The following PPP1R15A variants were observed in gnomAD, a reference collection of about 807,000 sequenced individuals.
The protein encoded by PPP1R15A is protein phosphatase 1 regulatory subunit 15A.
A neutral mutation model predicts 48.5 loss-of-function variants in PPP1R15A; 43 were observed. The observed-to-expected ratio is 0.89, with a 90% CI of 0.69 to 1.14. PPP1R15A has a LOEUF of 1.14. PPP1R15A is among the 50% of genes most tolerant of loss of function. PPP1R15A has a pLI of 0.00. For missense variants in PPP1R15A, 868 were observed against 847.2 expected (o/e 1.02, Z -0.30); for synonymous variants, 327 against 327.4 (o/e 1.00, Z 0.01).
chr19:48,876,009 AT>A lies in PPP1R15A; in HGVS notation c.*42del, dbSNP rs1555786772. 6.6e-7 allele frequency: 1 copy of A among 1,506,982 alleles called. No homozygotes were observed. The highest frequency in any genetic ancestry group is 1.4e-5 in the African/African-American group (1 of 71,466). The allele number at this position is 1,506,982 out of a possible 1,614,324, so 93.4% of individuals were successfully genotyped here. ...TTTGCCTATAATTTATTAACTATTT[AT>A]TTTTTCTAAGTGTGGGTTTATATAA... On this transcript the variant is annotated 3_prime_UTR_variant, in exon 3 of 3. Coordinates refer to ENST00000200453, the MANE Select transcript of PPP1R15A (RefSeq NM_014330.5).
rs189157748 is a variant in PPP1R15A at position 48,875,211 on chromosome 19, G to T, written c.1665+313G>T. The T allele has an allele frequency of 3.2e-3, 1,070 of 333,418 alleles. 14 individuals are homozygous for T. The highest frequency in any genetic ancestry group is 0.02 in the African/African-American group (968 of 47,258). 20.7% of individuals were successfully genotyped at this position (333,418 alleles called of 1,614,324 possible). The stretch of plus-strand genomic sequence containing the variant: ...CTCCCAAAGTGCTGGGATTACAGGC[G>T]TGAGCTACCACATCTGGCTGAGAGC... On this transcript the variant is annotated intron_variant, in intron 2 of 2. Coordinates refer to ENST00000200453, the MANE Select transcript of PPP1R15A (RefSeq NM_014330.5).
chr19:48,874,777 G>A lies in PPP1R15A; in HGVS notation c.1544G>A (p.Gly515Glu), dbSNP rs2037059372. ...CPFRVAIYVP[G>E]EKPPPPWAPP... The stretch of plus-strand genomic sequence containing the variant: ...TTCCGAGTGGCCATCTATGTACCTG[G>A]AGAGAAGCCACCGCCTCCCTGGGCT... Residue 515 changes from glycine to glutamate, a missense_variant, in exon 2 of 3, where the codon GGA becomes GAA. By Grantham distance (98) the Gly-to-Glu change is moderately conservative. Transcript: ENST00000200453. The A allele has an allele frequency of 6.2e-7, 1 of 1,613,922 alleles. No individual in the cohort carries two copies. Among genetic ancestry groups the A allele is most frequent in the Non-Finnish European group, 8.5e-7 (1 of 1,180,000 alleles).
Position 48,873,336 on chromosome 19 carries a change from CG to C in PPP1R15A, c.104del (p.Arg35ProfsTer2). 2 of 1,612,436 alleles carry C rather than the reference CG, an allele frequency of 1.2e-6. No individual in the cohort carries two copies. The highest frequency in any genetic ancestry group is 1.7e-6 in the Non-Finnish European group (2 of 1,179,480). ...GGGCCTCCTCAGCCGCGCCTGGAGC[CG>C]CCTGAGGGGCCTGGGACCTCTAGAG... ...VMGLLSRAWS[R>X]LRGLGPLEPW... On this transcript the variant is annotated frameshift_variant, in exon 2 of 3. Transcript: ENST00000200453. LOFTEE classifies it high-confidence loss of function.
intron 2 of PPP1R15A, chr19:48,875,373 C>T: frequency 3.4e-6 from 2 of 589,292 alleles, no homozygotes; most frequent in Non-Finnish European, 5.9e-6. Flanking sequence ...AGAGGCCAGG[C>T]CCCTGGGGGA....
Position 48,873,447 on chromosome 19 carries a change from C to T in PPP1R15A, c.214C>T (p.His72Tyr), listed in dbSNP as rs1041501886. ...AGCTAGGACTCCTCTGGCAATCCCC[C>T]ATACCCCTTGGGGCAGACGCCCTGA... Reference protein sequence around the residue: ...GEARTPLAIPHTPWGRRPEEE... With the variant: ...GEARTPLAIPYTPWGRRPEEE... Residue 72 changes from histidine (H) to tyrosine (Y), a missense_variant, in exon 2 of 3, where the codon CAT becomes TAT. By Grantham distance (83) the His-to-Tyr change is moderately conservative. Transcript: ENST00000200453. 1.2e-6 allele frequency: 2 copies of T among 1,613,532 alleles called. No homozygotes were observed. The highest frequency in any genetic ancestry group is 8.5e-7 in the Non-Finnish European group (1 of 1,179,678).
rs1254359963 is a variant in PPP1R15A at position 48,875,671 on chromosome 19, C to A, written c.1723C>A (p.Gln575Lys). Residue 575 changes from glutamine to lysine, a missense_variant, in exon 3 of 3, where the codon CAG becomes AAG. Gln to Lys is a moderately conservative substitution (Grantham distance 53, BLOSUM62 1). Transcript: ENST00000200453. ...HFLAVWAGPA[Q>K]AARQGPWEQL... is the part of the protein sequence containing the mutation. ...CCTGGCTGTCTGGGCAGGGCCGGCC[C>A]AGGCCGCCCGCCAGGGCCCCTGGGA... 1.2e-6 allele frequency: 2 copies of A among 1,610,750 alleles called. No individual in the cohort carries two copies. Among genetic ancestry groups the A allele is most frequent in the South Asian group, 2.2e-5 (2 of 90,928 alleles).
Position 48,874,733 on chromosome 19 carries a change from A to T in PPP1R15A, c.1500A>T (p.Gly500=). The T allele has an allele frequency of 6.2e-7, 1 of 1,613,944 alleles. No individual in the cohort carries two copies. The highest frequency in any genetic ancestry group is 8.5e-7 in the Non-Finnish European group (1 of 1,179,978). The change falls in exon 2 of 3, where the codon GGA becomes GGT. Residue 500 remains glycine, a synonymous_variant. Transcript: ENST00000200453. ...TEEEEAAEDW[G]EAEPCPFRVA... is the part of the protein sequence containing the mutation. ...AAGAGGAAGCTGCTGAGGACTGGGGAGAAGCTGAGCCCTGCCCCTTCCGAG... is the reference window on the plus strand; with the variant it reads ...AAGAGGAAGCTGCTGAGGACTGGGGTGAAGCTGAGCCCTGCCCCTTCCGAG...
At chr19:48,874,921 CTA>C in intron 2 of PPP1R15A, 23 bp downstream of exon 2, 3 of 1,422,142 alleles carry the variant, frequency 2.1e-6, no homozygotes, top group Non-Finnish European at 2.8e-6. Flanking sequence ...AGCCCAGATT[CTA>C]TTTTTTTTTT....
At position 48,875,919 on chromosome 19, in the gene PPP1R15A, C is replaced by T. The variant is rs1220413899; in HGVS notation, c.1971C>T (p.Ser657=). ...TGAGCCAAGCTGTGGCCACACCTTC[C>T]CGCTCGTCTGCTGCTGCAGCGGCTG... ...TPLSQAVATP[S]RSSAAAAAAL... The change falls in exon 3 of 3, where the codon TCC becomes TCT. Residue 657 remains serine, a synonymous_variant. Transcript: ENST00000200453. 6.2e-7 allele frequency: 1 copy of T among 1,611,990 alleles called. No homozygotes were observed. Among genetic ancestry groups the T allele is most frequent in the Non-Finnish European group, 8.5e-7 (1 of 1,178,350 alleles).
rs184810900 is a variant in PPP1R15A at position 48,874,652 on chromosome 19, G to C, written c.1419G>C (p.Pro473=). 1.2e-6 allele frequency: 2 copies of C among 1,613,882 alleles called. No individual in the cohort carries two copies. The highest frequency in any genetic ancestry group is 1.7e-6 in the Non-Finnish European group (2 of 1,179,822). ...EAESDPHPSH[P]DQRAHFRGWG... is the part of the protein sequence containing the mutation. ...AGTCAGACCCACATCCCTCCCACCC[G>C]GACCAGAGGGCCCACTTCAGGGGCT... Residue 473 remains proline, a synonymous_variant, in exon 2 of 3, where the codon CCG becomes CCC. Transcript: ENST00000200453.
rs2037019867 is a variant in PPP1R15A, at chr19:48,872,487, G to T, written c.-174G>T. ...ACGCTGCACGACCCCGCGCCCGCTTGTCGCCACGGCACTTGAGGCAGCCGG... is the reference window on the plus strand; with the variant it reads ...ACGCTGCACGACCCCGCGCCCGCTTTTCGCCACGGCACTTGAGGCAGCCGG... On this transcript the variant is annotated 5_prime_UTR_variant, in exon 1 of 3. Transcript: ENST00000200453. The T allele has an allele frequency of 2.2e-6, 1 of 456,380 alleles. No individual in the cohort carries two copies. Among genetic ancestry groups the T allele is most frequent in the Non-Finnish European group, 4.4e-6 (1 of 226,784 alleles). The allele number at this position is 456,380 out of a possible 1,614,324, so 28.3% of individuals were successfully genotyped here.
Position 48,873,771 on chromosome 19 carries a change from C to T in PPP1R15A, c.538C>T (p.Pro180Ser), listed in dbSNP as rs766473236. Reference sequence around the variant, plus strand: ...GGAGGGAGTTAACAAGTTCTCTTATCCACCATCACACCGGGAGTGTTGTCC... The same window carrying T: ...GGAGGGAGTTAACAAGTTCTCTTATTCACCATCACACCGGGAGTGTTGTCC... ...EEEGVNKFSY[P>S]PSHRECCPAV... Residue 180 changes from proline to serine, a missense_variant, in exon 2 of 3, where the codon CCA becomes TCA. By Grantham distance (74) the Pro-to-Ser change is moderately conservative (BLOSUM62 -1). Transcript: ENST00000200453. The T allele has an allele frequency of 1.1e-5, 18 of 1,613,848 alleles. No individual in the cohort carries two copies. The East Asian group carries it at 3.8e-4, about 34-fold the overall frequency.
Position 48,874,070 on chromosome 19 carries a change from T to G in PPP1R15A, c.837T>G (p.Thr279=). The change falls in exon 2 of 3, where the codon ACT becomes ACG. Residue 279 remains threonine (T), a synonymous_variant. Coordinates refer to ENST00000200453, the MANE Select transcript of PPP1R15A (RefSeq NM_014330.5). ...EEKEEKAHKE[T]GKGEAAPGPQ... ...AGGAGGAAAAGGCACACAAAGAAAC[T>G]GGGAAAGGAGAAGCTGCCCCAGGGC... The G allele has an allele frequency of 6.2e-7, 1 of 1,613,954 alleles. No homozygotes were observed. Among genetic ancestry groups the G allele is most frequent in the Non-Finnish European group, 8.5e-7 (1 of 1,179,966 alleles).
chr19:48,874,092 G>C lies in PPP1R15A; in HGVS notation c.859G>C (p.Gly287Arg). 1 of 1,614,166 alleles carries C rather than the reference G, an allele frequency of 6.2e-7. No homozygotes were observed. The change falls in exon 2 of 3, where the codon GGG becomes CGG. Residue 287 changes from glycine to arginine, a missense_variant. Coordinates refer to ENST00000200453, the MANE Select transcript of PPP1R15A (RefSeq NM_014330.5). The part of the protein sequence containing the change: ...KETGKGEAAP[G>R]PQSSAPAQRP... ...AACTGGGAAAGGAGAAGCTGCCCCA[G>C]GGCCGCAATCCTCAGCCCCAGCCCA...
At chr19:48,872,814 G>C (rs1461159831) in intron 1 of PPP1R15A, among the ~76,000 whole-genome samples, 163 bp downstream of exon 1, 1 of 152,152 alleles carries the variant, frequency 6.6e-6, no homozygotes, top group African/African-American at 2.4e-5. Flanking sequence ...GTAGGGGGTC[G>C]GGTCAGAATG....
In PPP1R15A at chr19:48,874,498, C is replaced by T. The variant is rs969517387; in HGVS notation, c.1265C>T (p.Thr422Ile). ...AGAGAAGCTGAGACTTCTGCTTCCACACCCCCTGCAAGTGCTTTCTTGAAG... is the reference window on the plus strand; with the variant it reads ...AGAGAAGCTGAGACTTCTGCTTCCATACCCCCTGCAAGTGCTTTCTTGAAG... ...DEREAETSAS[T>I]PPASAFLKAW... Residue 422 changes from threonine (T) to isoleucine (I), a missense_variant, in exon 2 of 3, where the codon ACA becomes ATA. Transcript: ENST00000200453. 2 of 1,612,908 alleles carry T rather than the reference C, an allele frequency of 1.2e-6. No homozygotes were observed. Among genetic ancestry groups the T allele is most frequent in the East Asian group, 2.2e-5 (1 of 44,826 alleles).
chr19:48,874,638 C>T lies in PPP1R15A; in HGVS notation c.1405C>T (p.His469Tyr). ...AALGEAESDP[H>Y]PSHPDQRAHF... ...CTTGGGAGAAGCTGAGTCAGACCCACATCCCTCCCACCCGGACCAGAGGGC... is the reference window on the plus strand; with the variant it reads ...CTTGGGAGAAGCTGAGTCAGACCCATATCCCTCCCACCCGGACCAGAGGGC... Residue 469 changes from histidine (H) to tyrosine (Y), a missense_variant, in exon 2 of 3, where the codon CAT becomes TAT. Transcript: ENST00000200453. 6.2e-7 allele frequency: 1 copy of T among 1,613,974 alleles called. No individual in the cohort carries two copies. Among genetic ancestry groups the T allele is most frequent in the Non-Finnish European group, 8.5e-7 (1 of 1,179,870 alleles).
chr19:48,875,416 G>A (rs544922515), intron 2 of PPP1R15A, 198 bp from the exon 3 acceptor site: 51 of 767,010 alleles, frequency 6.6e-5, no homozygotes, highest in Non-Finnish European at 1.0e-4. Context: ...AGCAGCCCCA[G>A]GAAACCACCT....
At position 48,875,798 on chromosome 19, in the gene PPP1R15A, C is replaced by T. The variant is rs142378074; in HGVS notation, c.1850C>T (p.Ala617Val). ...LTPAARARAW[A>V]RLRNPPLAPI... Reference sequence around the variant, plus strand: ...CCTGCTGCCCGGGCCAGAGCCTGGGCACGCCTCAGGAACCCACCTTTAGCC... The same window carrying T: ...CCTGCTGCCCGGGCCAGAGCCTGGGTACGCCTCAGGAACCCACCTTTAGCC... Residue 617 changes from alanine (A) to valine (V), a missense_variant, in exon 3 of 3, where the codon GCA becomes GTA. By Grantham distance (64) the Ala-to-Val change is moderately conservative (BLOSUM62 0). Coordinates refer to ENST00000200453, the MANE Select transcript of PPP1R15A (RefSeq NM_014330.5). The T allele has an allele frequency of 6.4e-4, 1,040 of 1,613,906 alleles. 14 individuals are homozygous for T. The East Asian group carries it at 0.02, about 31-fold the overall frequency.
Sources: allele counts gnomAD v4.1 joint callset (sites outside exome capture counted in the v4.1 genomes callset), GRCh38; gene constraint gnomAD v4.1.1; transcripts MANE v1.5; gene names NCBI Gene and HGNC (gene_info 2026-07-23, HGNC 2026-07-21).